Variants in LHPP observed in about 807,000 individuals in gnomAD.
LHPP encodes the protein phospholysine phosphohistidine inorganic pyrophosphate phosphatase, also known as hLHPP.
A neutral mutation model predicts 30.3 loss-of-function variants in LHPP; 24 were observed. The observed-to-expected ratio is 0.79, with a 90% CI of 0.57 to 1.11. The LOEUF is 1.11. Among genes scored for constraint, LHPP ranks in the 50% most tolerant of loss-of-function variants. The probability of loss-of-function intolerance (pLI) is 0.00; values close to 1 mark genes in which losing one functional copy is unlikely to be tolerated. For synonymous variants in LHPP, 150 were observed against 157.1 expected, an observed-to-expected ratio of 0.95 and a Z score of 0.34; for missense variants, 356 against 367.2, an observed-to-expected ratio of 0.97 and a Z score of 0.25.
At chr10:124,546,696 C>T (rs2133952437) in intron 6 of LHPP, among the ~76,000 whole-genome samples, 1 of 152,000 alleles carries the variant, frequency 6.6e-6, no homozygotes, top group South Asian at 2.1e-4. Flanking sequence ...AGGCGTGAGC[C>T]ACCGCGCCCG....
At chr10:124,557,009 C>T (rs1201272817) in intron 6 of LHPP, among the ~76,000 whole-genome samples, 1 of 152,108 alleles carries the variant, frequency 6.6e-6, no homozygotes, top group East Asian at 1.9e-4. Flanking sequence ...AAATTAATTT[C>T]AGGCGCACGA....
chr10:124,613,703 A>C lies in LHPP; in HGVS notation c.*343A>C. On this transcript the variant is annotated 3_prime_UTR_variant, in exon 7 of 7. Transcript: ENST00000368842. ...AATCTCCCAAATCCCAGAACTCACC[A>C]CTCACCATGGGCCTTTAAATGCAGT... is the stretch of plus-strand genomic sequence containing the variant. 3 of 376,902 alleles carry C rather than the reference A, an allele frequency of 8.0e-6. No homozygotes were observed. The highest frequency in any genetic ancestry group is 3.3e-5 in the South Asian group (1 of 30,212). 23.3% of individuals were successfully genotyped at this position (376,902 alleles called of 1,614,324 possible).
chr10:124,498,682 T>C (rs1953807358), intron 5 of LHPP: 2 of 414,440 alleles, frequency 4.8e-6, no homozygotes, highest in Admixed American at 3.7e-5. Context: ...TTTTTTTTTT[T>C]GAGCCAATGT....
chr10:124,581,789 A>G (rs1286083603), intron 6 of LHPP, among the ~76,000 whole-genome samples: 2 of 142,806 alleles, frequency 1.4e-5, no homozygotes, highest in Non-Finnish European at 3.1e-5. Context: ...ACACACACAC[A>G]TTTTTTCTTT....
At position 124,484,181 on chromosome 10, in the gene LHPP, G is replaced by C; in HGVS notation, c.168G>C (p.Glu56Asp). ...SRLKVRFCTN[E>D]SQKSRAELVG... is the part of the protein sequence containing the mutation. The stretch of plus-strand genomic sequence containing the variant: ...TGAAGGTGAGGTTCTGCACCAACGA[G>C]TCGCAGAAGTCCCGGGCAGAGCTGG... The change falls in exon 2 of 7, where the codon GAG (glutamate) becomes GAC (aspartate). Residue 56 changes from glutamate (E) to aspartate (D), a missense_variant. Coordinates refer to ENST00000368842, the MANE Select transcript of LHPP (RefSeq NM_022126.4). The C allele has an allele frequency of 6.2e-7, 1 of 1,614,102 alleles. No homozygotes were observed. Among genetic ancestry groups the C allele is most frequent in the Non-Finnish European group, 8.5e-7 (1 of 1,180,032 alleles).
In LHPP at chr10:124,496,415, C is replaced by T. The variant is rs1390472909; in HGVS notation, c.468-546C>T. ...TCCACCTCCATGAGACGGGAAGGAA[C>T]AGTTGTCTTCTCATAAAAGCATCTG... On this transcript the variant is annotated intron_variant, in intron 3 of 6. Coordinates refer to ENST00000368842, the MANE Select transcript of LHPP (RefSeq NM_022126.4). The surrounding 1 kb of genome is among the most constrained non-coding windows in gnomAD (Gnocchi z 4.3). Among the ~76,000 whole-genome samples, 1 of 152,230 alleles carries T rather than the reference C, an allele frequency of 6.6e-6. No individual in the cohort carries two copies. The highest frequency in any genetic ancestry group is 1.5e-5 in the Non-Finnish European group (1 of 68,040).
At chr10:124,509,097 C>T (rs934665673) in intron 5 of LHPP, among the ~76,000 whole-genome samples, 2 of 152,040 alleles carry the variant, frequency 1.3e-5, no homozygotes, top group African/African-American at 2.4e-5. Flanking sequence ...AGTATTTAGC[C>T]CCCACTTATA....
chr10:124,510,633 T>C lies in LHPP; in HGVS notation c.625-6547T>C, dbSNP rs1203202395. ...AGGGAAACCTGTGTGCTGTCTGGTT[T>C]TGTATGTGGGAGGAGCATGCACACA... On this transcript the variant is annotated intron_variant, in intron 5 of 6. Transcript: ENST00000368842. The surrounding 1 kb of genome is among the most constrained non-coding windows in gnomAD (Gnocchi z 4.0). Among the ~76,000 whole-genome samples the C allele has an allele frequency of 6.6e-6, 1 of 152,200 alleles. No homozygotes were observed. Among genetic ancestry groups the C allele is most frequent in the Non-Finnish European group, 1.5e-5 (1 of 68,036 alleles).
intron 5 of LHPP, among the ~76,000 whole-genome samples, chr10:124,508,133 G>T (rs1429991636): frequency 6.6e-6 from 1 of 152,038 alleles, no homozygotes; most frequent in African/African-American, 2.4e-5. Flanking sequence ...CTGGTGAGTG[G>T]GGAGTACATG....
At chr10:124,591,102 C>T (rs75927208) in intron 6 of LHPP, among the ~76,000 whole-genome samples, 7 of 152,114 alleles carry the variant, frequency 4.6e-5, no homozygotes, top group East Asian at 3.9e-4. Context: ...AAGGGGGCAC[C>T]GCGGGTGGGT....
rs911157631 is a variant in LHPP at position 124,590,086 on chromosome 10, C to T, written c.717-23178C>T. ...CTGGCTTTGCAGGTTTTTTATCCAT[C>T]GTTCTTTCCAAAGAATAGTGTGAAC... is the stretch of plus-strand genomic sequence containing the variant. On this transcript the variant is annotated intron_variant, in intron 6 of 6. Transcript: ENST00000368842. The surrounding 1 kb of genome is among the most constrained non-coding windows in gnomAD (Gnocchi z 4.3). Among the ~76,000 whole-genome samples the T allele has an allele frequency of 6.6e-5, 10 of 152,172 alleles. No homozygotes were observed.
chr10:124,580,884 A>G (rs926336742), intron 6 of LHPP, among the ~76,000 whole-genome samples: 2 of 151,964 alleles, frequency 1.3e-5, no homozygotes, highest in African/African-American at 2.4e-5. Flanking sequence ...ACACCCAGCT[A>G]ATTTTTGTAT....
In LHPP at chr10:124,523,178, T is replaced by C. The variant is rs1187229162; in HGVS notation, c.716+5907T>C. ...ATTGTTTACCCAAGGCTGGCAGATG[T>C]TTTATAAGCCCCGAACGTTCTTGAC... On this transcript the variant is annotated intron_variant, in intron 6 of 6. Coordinates refer to ENST00000368842, the MANE Select transcript of LHPP (RefSeq NM_022126.4). This position sits in a 1 kb window ranked among gnomAD's most constrained non-coding sequence, Gnocchi z 4.2. 1.3e-5 allele frequency among the ~76,000 whole-genome samples: 2 copies of C among 152,354 alleles called. No homozygotes were observed. Among genetic ancestry groups the C allele is most frequent in the African/African-American group, 4.8e-5 (2 of 41,592 alleles).
chr10:124,579,235 G>A (rs1948714062), intron 6 of LHPP, among the ~76,000 whole-genome samples: 2 of 152,254 alleles, frequency 1.3e-5, no homozygotes, highest in South Asian at 2.1e-4. Flanking sequence ...GCCCACCACC[G>A]GGGCGCTGGC....
chr10:124,568,567 C>G (rs1948532302), intron 6 of LHPP, among the ~76,000 whole-genome samples: 1 of 152,184 alleles, frequency 6.6e-6, no homozygotes, highest in Non-Finnish European at 1.5e-5. Context: ...CGCTTCGTGG[C>G]AAGTCGTGTT....
At chr10:124,475,028 G>GTTTTTTTTTTTTTTTT (rs536621289) in intron 1 of LHPP, among the ~76,000 whole-genome samples, 2 of 9,654 alleles carry the variant, frequency 2.1e-4, no homozygotes, top group South Asian at 5.6e-3. Flanking sequence ...TGCTTCTCAT[G>GTTTTTTTTTTTTTTTT]TCTTTTTTTT....
intron 1 of LHPP, among the ~76,000 whole-genome samples, chr10:124,470,762 C>A (rs1231886786): frequency 6.6e-6 from 1 of 152,140 alleles, no homozygotes; most frequent in Non-Finnish European, 1.5e-5. Context: ...CGGTGTGGCA[C>A]CTGCCGGAGG....
chr10:124,517,411 A>G lies in LHPP; in HGVS notation c.716+140A>G. 1 of 552,988 alleles carries G rather than the reference A, an allele frequency of 1.8e-6. No individual in the cohort carries two copies. The highest frequency in any genetic ancestry group is 3.7e-5 in the Admixed American group (1 of 26,844). The allele number at this position is 552,988 out of a possible 1,614,324, so 34.3% of individuals were successfully genotyped here. On this transcript the variant is annotated intron_variant, in intron 6 of 6. Transcript: ENST00000368842. The surrounding 1 kb of genome is among the most constrained non-coding windows in gnomAD (Gnocchi z 4.1). ...GTGGGCATTCACTATCTTGTATGTA[A>G]TGGACCTCTAAGAACAGGGCTGAGT...
chr10:124,462,243 G>C (rs1202202651), intron 1 of LHPP, among the ~76,000 whole-genome samples: 2 of 152,174 alleles, frequency 1.3e-5, no homozygotes, highest in African/African-American at 4.8e-5. Flanking sequence ...GCTGCTGAGC[G>C]CTTGACCTGC....
Sources: allele counts gnomAD v4.1 joint callset (sites outside exome capture counted in the v4.1 genomes callset), GRCh38; gene constraint gnomAD v4.1.1; non-coding constraint Gnocchi (gnomAD v3.1); transcripts MANE v1.5; gene names NCBI Gene and HGNC (gene_info 2026-07-23, HGNC 2026-07-21).